The following PRDM11 variants were observed in gnomAD, a reference collection of about 807,000 sequenced individuals.
PRDM11 encodes the protein PR/SET domain 11.
Under a neutral mutation model 97.8 loss-of-function variants are expected in PRDM11, and 20 were observed. The ratio of observed to expected loss-of-function variants is 0.20; its 90% CI spans 0.14 to 0.30. The LOEUF (loss-of-function observed/expected upper bound fraction) is 0.30, where lower values mean the gene tolerates loss of function less well. Ranked by LOEUF, PRDM11 falls within the 10% of genes least tolerant of loss-of-function variation. PRDM11 has a pLI of 1.00. For missense variants in PRDM11, 1,139 were observed against 1,555.2 expected (o/e 0.73, Z 4.50); for synonymous variants, 599 against 637.7 (o/e 0.94, Z 0.91).
At chr11:45,137,005 G>GA (rs1049658884) in intron 1 of PRDM11, among the ~76,000 whole-genome samples, 2 of 118,396 alleles carry the variant, frequency 1.7e-5, no homozygotes, top group South Asian at 2.6e-4. Flanking sequence ...AAAAAAAAAA[G>GA]AAAAAAAATT....
intron 1 of PRDM11, among the ~76,000 whole-genome samples, chr11:45,172,371 C>A (rs1415653105): frequency 6.6e-6 from 1 of 152,212 alleles, no homozygotes; most frequent in Non-Finnish European, 1.5e-5. Context: ...AAAGTTCCAA[C>A]CTTCCAATCA....
At chr11:45,157,820 T>G (rs1851838328) in intron 1 of PRDM11, among the ~76,000 whole-genome samples, 1 of 152,182 alleles carries the variant, frequency 6.6e-6, no homozygotes, top group Non-Finnish European at 1.5e-5. Context: ...GAACGTGGAC[T>G]GGTGGGCTGT....
chr11:45,120,998 A>G (rs977940413), intron 1 of PRDM11, among the ~76,000 whole-genome samples: 2 of 152,156 alleles, frequency 1.3e-5, no homozygotes, highest in Non-Finnish European at 2.9e-5. Flanking sequence ...TAATTCAGGG[A>G]TGCAGTTTAG....
chr11:45,223,649 G>T (rs925386649), intron 6 of PRDM11, among the ~76,000 whole-genome samples: 2 of 152,154 alleles, frequency 1.3e-5, no homozygotes, highest in African/African-American at 4.8e-5. Flanking sequence ...TTCCTAGTCT[G>T]CTGATTGCTG....
upstream of PRDM11, among the ~76,000 whole-genome samples, chr11:45,094,346 T>C (rs891017070): frequency 2.6e-5 from 4 of 151,422 alleles, no homozygotes; most frequent in Non-Finnish European, 5.9e-5. Flanking sequence ...CCGGGACAGA[T>C]GCGACCTGCC....
At position 45,219,799 on chromosome 11, in the gene PRDM11, C is replaced by A; in HGVS notation, c.742+42C>A. ...ACATGAGCTGCGCCCACCTCTGAGCCCCAGGGGAGGCCTGGATAGCTTGTT... is the reference window on the plus strand; with the variant it reads ...ACATGAGCTGCGCCCACCTCTGAGCACCAGGGGAGGCCTGGATAGCTTGTT... On this transcript the variant is annotated intron_variant, in intron 6 of 7. Transcript: ENST00000683152. This position sits in a 1 kb window ranked among gnomAD's most constrained non-coding sequence, Gnocchi z 4.2. 6.3e-7 allele frequency: 1 copy of A among 1,578,008 alleles called. No individual in the cohort carries two copies.
At chr11:45,205,076 G>A (rs1853460625) in intron 5 of PRDM11, among the ~76,000 whole-genome samples, 1 of 152,152 alleles carries the variant, frequency 6.6e-6, no homozygotes, top group Admixed American at 6.5e-5. Flanking sequence ...TAGGGAGGAG[G>A]AGGAGACTGT....
At chr11:45,101,437 T>C (rs1590336368) in intron 1 of PRDM11, among the ~76,000 whole-genome samples, 2 of 151,964 alleles carry the variant, frequency 1.3e-5, no homozygotes, top group South Asian at 2.1e-4. Context: ...GCACCTGTAG[T>C]CCCAGCCACT....
chr11:45,096,881 C>A (rs1160567339), intron 1 of PRDM11, among the ~76,000 whole-genome samples: 1 of 152,200 alleles, frequency 6.6e-6, no homozygotes, highest in Non-Finnish European at 1.5e-5. Flanking sequence ...GTTTCAGGAA[C>A]TCCTGCCTGC....
chr11:45,206,924 G>C (rs1002218902), intron 5 of PRDM11, among the ~76,000 whole-genome samples: 9 of 152,224 alleles, frequency 5.9e-5, no homozygotes, highest in South Asian at 2.1e-4. Flanking sequence ...CAAGGGACCA[G>C]GTGAAGCGTG....
At chr11:45,105,083 C>T (rs976279525) in intron 1 of PRDM11, among the ~76,000 whole-genome samples, 1 of 152,192 alleles carries the variant, frequency 6.6e-6, no homozygotes, top group South Asian at 2.1e-4. Flanking sequence ...GATCAAGGTG[C>T]CCCAGATTTG....
At chr11:45,180,529 G>T (rs1308037343) in intron 1 of PRDM11, among the ~76,000 whole-genome samples, 1 of 151,710 alleles carries the variant, frequency 6.6e-6, no homozygotes, top group East Asian at 1.9e-4. Context: ...GCGACCCCCC[G>T]CGGCGCCCTC....
intron 1 of PRDM11, among the ~76,000 whole-genome samples, chr11:45,161,954 C>G (rs1332791806): frequency 6.6e-6 from 1 of 152,240 alleles, no homozygotes; most frequent in African/African-American, 2.4e-5. Flanking sequence ...GGTAGCCAGG[C>G]CATCTGGTTC....
chr11:45,172,612 A>G (rs1011097047), intron 1 of PRDM11, among the ~76,000 whole-genome samples: 1 of 152,188 alleles, frequency 6.6e-6, no homozygotes, highest in Non-Finnish European at 1.5e-5. Flanking sequence ...GCATCCATGG[A>G]TTCAACCAGC....
chr11:45,113,826 TTTG>T (rs1364119622), intron 1 of PRDM11, among the ~76,000 whole-genome samples: 2,368 of 108,082 alleles, frequency 0.022, 71 homozygotes, highest in Admixed American at 0.048. Flanking sequence ...GTGTGTGTGT[TTTG>T]TTTTTTTTTT....
intron 5 of PRDM11, among the ~76,000 whole-genome samples, chr11:45,215,044 C>T (rs1481152322): frequency 6.6e-6 from 1 of 152,222 alleles, no homozygotes; most frequent in Non-Finnish European, 1.5e-5. Flanking sequence ...TAAAAGTAAG[C>T]GAGAAGTTCT....
chr11:45,119,058 A>G (rs1852364507), intron 1 of PRDM11, among the ~76,000 whole-genome samples: 2 of 152,136 alleles, frequency 1.3e-5, no homozygotes, highest in African/African-American at 4.8e-5. Context: ...AACCTAAAAG[A>G]GGTCCAAACA....
chr11:45,192,478 C>T (rs1209818959), intron 4 of PRDM11, among the ~76,000 whole-genome samples: 1 of 152,196 alleles, frequency 6.6e-6, no homozygotes, highest in Non-Finnish European at 1.5e-5. Flanking sequence ...AAGATTTCCC[C>T]AGGAAAATGT....
intron 7 of PRDM11, 62 bp downstream of exon 7, chr11:45,224,905 G>C: frequency 6.2e-7 from 1 of 1,601,994 alleles, no homozygotes; most frequent in Non-Finnish European, 8.5e-7. Flanking sequence ...TGTGTGGAGG[G>C]TAGCCTAAAG....
Sources: allele counts gnomAD v4.1 joint callset (sites outside exome capture counted in the v4.1 genomes callset), GRCh38; gene constraint gnomAD v4.1.1; non-coding constraint Gnocchi (gnomAD v3.1); transcripts MANE v1.5; gene names NCBI Gene and HGNC (gene_info 2026-07-23, HGNC 2026-07-21).